UNKL: variants seen among roughly 807,000 people sequenced by gnomAD.
UNKL encodes the protein putative E3 ubiquitin-protein ligase UNKL.
UNKL carries 60 observed loss-of-function variants against 78.0 expected under a neutral mutation model. That is an observed-to-expected ratio of 0.77 (90% confidence interval 0.63 to 0.95). The LOEUF (loss-of-function observed/expected upper bound fraction) is 0.95, where lower values mean the gene tolerates loss of function less well. Ranked by LOEUF, UNKL falls within the 40% of genes least tolerant of loss-of-function variation. The probability of loss-of-function intolerance (pLI) is 0.00; values close to 1 mark genes in which losing one functional copy is unlikely to be tolerated. For missense variants in UNKL, 1,159 were observed against 1,045.7 expected, an observed-to-expected ratio of 1.11 and a Z score of -1.49; for synonymous variants, 608 against 474.8, an observed-to-expected ratio of 1.28 and a Z score of -3.65.
At chr16:1,409,593 T>C (rs576476607) in intron 2 of UNKL, among the ~76,000 whole-genome samples, 96 of 152,200 alleles carry the variant, frequency 6.3e-4, no homozygotes, top group Non-Finnish European at 4.6e-4. Context: ...CCCTCAATTA[T>C]AAACTGTAAG....
chr16:1,365,035 C>T lies in UNKL; in HGVS notation c.*1205G>A, dbSNP rs2035129905. On this transcript the variant is annotated 3_prime_UTR_variant, in exon 15 of 15. Transcript: ENST00000389221. ...TTGAGCCAGAGTCTCGCTCTGTCAC[C>T]CGGGCTGGAGTGCGGTGGCGCGATC... The T allele has an allele frequency of 6.6e-6, 1 of 151,870 alleles. No homozygotes were observed. The highest frequency in any genetic ancestry group is 2.4e-5 in the African/African-American group (1 of 41,246). 9.4% of individuals were successfully genotyped at this position (151,870 alleles called of 1,614,324 possible).
At chr16:1,379,634 A>T (rs901403227) in intron 10 of UNKL, 44 of 984,344 alleles carry the variant, frequency 4.5e-5, no homozygotes, top group Non-Finnish European at 4.7e-5. Context: ...GCCGCCGCCA[A>T]TGCTGACTCA....
At chr16:1,383,835 G>A (rs1248464339) in intron 10 of UNKL, 4 of 438,872 alleles carry the variant, frequency 9.1e-6, no homozygotes, top group Admixed American at 4.8e-5. Context: ...CCCCCACCAC[G>A]TGGCTCCAGC....
intron 4 of UNKL, 163 bp downstream of exon 4, chr16:1,401,405 C>T (rs866489416): frequency 2.2e-6 from 2 of 916,848 alleles, no homozygotes; most frequent in Admixed American, 3.9e-5. Flanking sequence ...CGGCACCCAC[C>T]CCCTGTTGGG....
intron 9 of UNKL, 161 bp from the exon 10 acceptor site, chr16:1,385,546 G>A (rs535181395): frequency 6.5e-5 from 41 of 631,178 alleles, no homozygotes; most frequent in Non-Finnish European, 8.5e-5. Flanking sequence ...TGACCGCACC[G>A]AGGAGAAACA....
In UNKL at chr16:1,390,634, G is replaced by C. The variant is rs1301393812; in HGVS notation, c.1084C>G (p.Gln362Glu). The change falls in exon 9 of 15, where the codon CAG becomes GAG. Residue 362 changes from glutamine to glutamate, a missense_variant and splice_region_variant. Transcript: ENST00000389221. ...TGGGAAACCTTGGGGGCCTGTACCT[G>C]CTTGCTGTCTTGCTCGCTGCCCCTA... ...GPRGSEQDSK[Q>E]NHLAVFAAVH... The C allele has an allele frequency of 6.5e-7, 1 of 1,536,040 alleles. No homozygotes were observed.
intron 2 of UNKL, among the ~76,000 whole-genome samples, chr16:1,406,499 C>T (rs2037770746): frequency 6.6e-6 from 1 of 152,116 alleles, no homozygotes; most frequent in African/African-American, 2.4e-5. Flanking sequence ...AGGCGTGAGC[C>T]ACCGCGCCCG....
rs2035418003 is a variant in UNKL, at chr16:1,367,704, G to A, written c.1740C>T (p.Ala580=). The change falls in exon 13 of 15, where the codon GCC becomes GCT. Residue 580 remains alanine, a synonymous_variant. Coordinates refer to ENST00000389221, the MANE Select transcript of UNKL (RefSeq NM_001372107.1). ...LARVRRQLDE[A]KRKIRQWEES... is the part of the protein sequence containing the mutation. ...CCTCCCACTGCCGGATCTTCCTCTT[G>A]GCCTCGTCCAGCTGCCGCCTGACCC... 1 of 1,581,906 alleles carries A rather than the reference G, an allele frequency of 6.3e-7. No individual in the cohort carries two copies. The highest frequency in any genetic ancestry group is 8.6e-7 in the Non-Finnish European group (1 of 1,165,116).
chr16:1,407,209 A>T (rs2037806282), intron 2 of UNKL: 1 of 151,970 alleles, frequency 6.6e-6, no homozygotes, highest in Non-Finnish European at 1.5e-5. Context: ...TACAAGCAGC[A>T]ACAGTTAATC....
chr16:1,398,682 C>CG, intron 5 of UNKL: 3 of 435,834 alleles, frequency 6.9e-6, no homozygotes, highest in South Asian at 5.3e-5. Flanking sequence ...GGGGTCTGCA[C>CG]CCCCCCACCC....
At chr16:1,411,137 G>T (rs545465600) in intron 2 of UNKL, among the ~76,000 whole-genome samples, 75 of 152,130 alleles carry the variant, frequency 4.9e-4, no homozygotes, top group Middle Eastern at 3.4e-3. Context: ...GATCTCTTGG[G>T]TCCAGGAGTT....
chr16:1,403,806 G>A lies in UNKL; in HGVS notation c.288-462C>T, dbSNP rs2037634450. 6.6e-6 allele frequency among the ~76,000 whole-genome samples: 1 copy of A among 152,210 alleles called. No homozygotes were observed. Among genetic ancestry groups the A allele is most frequent in the Admixed American group, 6.5e-5 (1 of 15,282 alleles). Reference sequence around the variant, plus strand: ...CCTGCTGCTTTCAGGGACCCCAGGAGGGAGGTAGGGGAGGGAACAAGCACA... The same window carrying A: ...CCTGCTGCTTTCAGGGACCCCAGGAAGGAGGTAGGGGAGGGAACAAGCACA... On this transcript the variant is annotated intron_variant, in intron 2 of 14. Transcript: ENST00000389221. The surrounding 1 kb of genome is among the most constrained non-coding windows in gnomAD (Gnocchi z 4.8).
intron 2 of UNKL, among the ~76,000 whole-genome samples, chr16:1,407,072 C>T (rs1011256188): frequency 6.6e-6 from 1 of 151,740 alleles, no homozygotes; most frequent in African/African-American, 2.4e-5. Flanking sequence ...TCACTTGAAC[C>T]CGGGAGGTGG....
Position 1,400,781 on chromosome 16 carries a change from G to A in UNKL, c.598+787C>T, listed in dbSNP as rs985109555. ...TGGCTCACTGCAACCTTCACCCCCC[G>A]AGTTCAAGAGATTCTCCAGCCTCAG... is the stretch of plus-strand genomic sequence containing the variant. On this transcript the variant is annotated intron_variant, in intron 4 of 14. Transcript: ENST00000389221. Among the ~76,000 whole-genome samples, 3 of 151,740 alleles carry A rather than the reference G, an allele frequency of 2.0e-5. 1 individual carries two copies. The highest frequency in any genetic ancestry group is 4.4e-5 in the Non-Finnish European group (3 of 67,968).
intron 10 of UNKL, among the ~76,000 whole-genome samples, chr16:1,375,161 C>T (rs947563123): frequency 2.6e-4 from 40 of 152,332 alleles, no homozygotes; most frequent in African/African-American, 6.3e-4. Context: ...ATCCTCGTGC[C>T]GCGGTGGTGG....
At chr16:1,380,507 G>T (rs749666596) in intron 10 of UNKL, among the ~76,000 whole-genome samples, 80 of 151,948 alleles carry the variant, frequency 5.3e-4, no homozygotes, top group Non-Finnish European at 9.7e-4. Flanking sequence ...ACTTTACAGC[G>T]ATGTCTCAGA....
chr16:1,408,608 C>A (rs1448022838), intron 2 of UNKL: 2 of 153,548 alleles, frequency 1.3e-5, no homozygotes, highest in East Asian at 1.9e-4. Flanking sequence ...TAGGAGGTCA[C>A]CCTCCACGGA....
At position 1,403,272 on chromosome 16, in the gene UNKL, G is replaced by C. The variant is rs182348106; in HGVS notation, c.360C>G (p.Thr120=). ...CACGTGCGTCTGTCTCGTGGATGCA[G>C]GTTCCTGTTTTGTAGTAACGCAGGT... ...KYHLRYYKTG[T]CIHETDARGH... is the part of the protein sequence containing the mutation. The change falls in exon 3 of 15, where the codon ACC becomes ACG. Residue 120 remains threonine (T), a synonymous_variant. Coordinates refer to ENST00000389221, the MANE Select transcript of UNKL (RefSeq NM_001372107.1). This position sits in a 1 kb window ranked among gnomAD's most constrained non-coding sequence, Gnocchi z 4.8. 6.2e-7 allele frequency: 1 copy of C among 1,614,230 alleles called. No homozygotes were observed.
chr16:1,366,322 C>CAGGGCCGCAGGACAGCACCGT lies in UNKL; in HGVS notation c.2099_2119dup (p.Pro706_Cys707insTyrGlyAlaValLeuArgPro), dbSNP rs769291516. The CAGGGCCGCAGGACAGCACCGT allele has an allele frequency of 6.4e-5, 103 of 1,603,458 alleles. No individual in the cohort carries two copies. The highest frequency in any genetic ancestry group is 1.4e-4 in the Admixed American group (8 of 58,970). On this transcript the variant is annotated inframe_insertion, in exon 15 of 15. Coordinates refer to ENST00000389221, the MANE Select transcript of UNKL (RefSeq NM_001372107.1). ...CGGCTCACAGAGGATGTGGTGCTGA[C>CAGGGCCGCAGGACAGCACCGT]AGGGCCGCAGGACAGCACCGTGGGC...
Sources: gnomAD v4.1 joint callset for allele counts (sites outside exome capture counted in the v4.1 genomes callset) on GRCh38, gnomAD v4.1.1 for gene constraint, Gnocchi (gnomAD v3.1) non-coding constraint, MANE v1.5 for transcripts, NCBI Gene and HGNC (gene_info 2026-07-23, HGNC 2026-07-21) for gene names.